The following RNGTT variants were observed in gnomAD, a reference collection of about 807,000 sequenced individuals.
The protein encoded by RNGTT is mRNA-capping enzyme.
In RNGTT, 33 loss-of-function variants were observed where a neutral mutation model predicts 79.3. The observed-to-expected ratio is 0.42, with a 90% CI of 0.32 to 0.56. The LOEUF is 0.56. Ranked by LOEUF, RNGTT falls within the 20% of genes least tolerant of loss-of-function variation. RNGTT has a pLI of 0.17. For missense variants in RNGTT, 497 were observed against 739.1 expected, an observed-to-expected ratio of 0.67 and a Z score of 3.80; for synonymous variants, 222 against 235.9, an observed-to-expected ratio of 0.94 and a Z score of 0.54.
chr6:88,863,737 C>T (rs1179104626), intron 8 of RNGTT, among the ~76,000 whole-genome samples: 1 of 152,082 alleles, frequency 6.6e-6, no homozygotes, highest in Non-Finnish European at 1.5e-5. Flanking sequence ...ATATTAAATA[C>T]CAAGTGTAAG....
chr6:88,825,956 A>G (rs1353140513), intron 11 of RNGTT, among the ~76,000 whole-genome samples: 2 of 152,238 alleles, frequency 1.3e-5, no homozygotes, highest in African/African-American at 2.4e-5. Flanking sequence ...TTTCTAATCT[A>G]TTCAAATGCC....
At chr6:88,834,292 G>C (rs1780987865) in intron 11 of RNGTT, among the ~76,000 whole-genome samples, 1 of 152,162 alleles carries the variant, frequency 6.6e-6, no homozygotes, top group Admixed American at 6.5e-5. Context: ...TTCACCGTAT[G>C]AAAGTATGAA....
chr6:88,853,807 T>C (rs186219577), intron 8 of RNGTT, 43 bp from the exon 9 acceptor site: 7 of 1,254,062 alleles, frequency 5.6e-6, no homozygotes, highest in East Asian at 4.9e-5. Context: ...CAGTATAATA[T>C]CAAGAACAGG....
chr6:88,793,238 C>T (rs1463473850), intron 12 of RNGTT, among the ~76,000 whole-genome samples: 1 of 151,816 alleles, frequency 6.6e-6, no homozygotes, highest in Non-Finnish European at 1.5e-5. Flanking sequence ...CATTAAGAAA[C>T]AAAGACTGAA....
chr6:88,824,917 A>G (rs1780609160), intron 11 of RNGTT, among the ~76,000 whole-genome samples: 1 of 151,672 alleles, frequency 6.6e-6, no homozygotes, highest in African/African-American at 2.4e-5. Flanking sequence ...TAATTTTTGT[A>G]TTTTTAGTAA....
intron 13 of RNGTT, among the ~76,000 whole-genome samples, chr6:88,739,866 C>G (rs1777425333): frequency 6.7e-6 from 1 of 149,484 alleles, no homozygotes; most frequent in African/African-American, 2.5e-5. Context: ...ATATGAAGCT[C>G]CCATGAGGAT....
At chr6:88,908,685 C>T (rs968436074) in intron 4 of RNGTT, among the ~76,000 whole-genome samples, 2 of 152,174 alleles carry the variant, frequency 1.3e-5, no homozygotes, top group African/African-American at 4.8e-5. Context: ...GGTGCAGCTG[C>T]AGCAAAACAC....
intron 13 of RNGTT, among the ~76,000 whole-genome samples, chr6:88,690,429 G>T (rs772906214): frequency 6.6e-6 from 1 of 151,772 alleles, no homozygotes; most frequent in African/African-American, 2.4e-5. Flanking sequence ...AAAATTGGTC[G>T]AGGGCAGTGG....
chr6:88,674,008 C>T (rs1424982797), intron 14 of RNGTT, among the ~76,000 whole-genome samples: 4 of 152,088 alleles, frequency 2.6e-5, no homozygotes, highest in South Asian at 2.1e-4. Flanking sequence ...AATGGGATAG[C>T]GAGGGGGGTT....
At chr6:88,681,305 C>T (rs1358474316) in intron 13 of RNGTT, among the ~76,000 whole-genome samples, 1 of 152,152 alleles carries the variant, frequency 6.6e-6, no homozygotes, top group African/African-American at 2.4e-5. Context: ...TGCCTAATAA[C>T]TACCTTTCCC....
intron 12 of RNGTT, among the ~76,000 whole-genome samples, chr6:88,793,468 T>C (rs984627271): frequency 6.6e-6 from 1 of 152,248 alleles, no homozygotes; most frequent in Non-Finnish European, 1.5e-5. Context: ...GCTGACCATG[T>C]CCACTGATGA....
intron 11 of RNGTT, among the ~76,000 whole-genome samples, chr6:88,841,406 G>T (rs1357915525): frequency 6.6e-6 from 1 of 152,162 alleles, no homozygotes; most frequent in African/African-American, 2.4e-5. Flanking sequence ...ACCAAATTAA[G>T]CAGACTAGAG....
At chr6:88,924,199 C>A (rs902105767) in intron 4 of RNGTT, among the ~76,000 whole-genome samples, 14 of 152,226 alleles carry the variant, frequency 9.2e-5, no homozygotes, top group African/African-American at 3.4e-4. Context: ...CCAGGTAATG[C>A]AGGGCAAAGT....
At chr6:88,833,632 C>T (rs1378275403) in intron 11 of RNGTT, among the ~76,000 whole-genome samples, 1 of 152,162 alleles carries the variant, frequency 6.6e-6, no homozygotes, top group Non-Finnish European at 1.5e-5. Context: ...CTATGTCAAT[C>T]CTATGGCTTT....
intron 13 of RNGTT, among the ~76,000 whole-genome samples, chr6:88,750,754 A>G (rs1199697152): frequency 6.6e-6 from 1 of 152,068 alleles, no homozygotes; most frequent in Non-Finnish European, 1.5e-5. Context: ...TCATTCCTAC[A>G]TATTTATAAA....
Position 88,846,294 on chromosome 6 carries a change from A to T in RNGTT, c.1105-1773T>A, listed in dbSNP as rs62428976. 4.0e-3 allele frequency among the ~76,000 whole-genome samples: 611 copies of T among 152,366 alleles called. 3 individuals are homozygous for T. The highest frequency in any genetic ancestry group is 5.7e-3 in the Admixed American group (87 of 15,302). On this transcript the variant is annotated intron_variant, in intron 10 of 15. Transcript: ENST00000369485. ...ATGCTGCCACTAGTTATCTTTCAAA[A>T]TAGTAAAAGTATATTCATATCATTA...
Position 88,909,984 on chromosome 6 carries a change from C to T in RNGTT, c.368-3544G>A, listed in dbSNP as rs62429030. ...AAAGAATATTTAAAAAAAAAAAACC[C>T]ATTCAATCAACAGCAAATTCAAAAA... is the stretch of plus-strand genomic sequence containing the variant. On this transcript the variant is annotated intron_variant, in intron 4 of 15. Coordinates refer to ENST00000369485, the MANE Select transcript of RNGTT (RefSeq NM_003800.5). Among the ~76,000 whole-genome samples, 4 of 151,886 alleles carry T rather than the reference C, an allele frequency of 2.6e-5. No homozygotes were observed. The East Asian group carries it at 7.7e-4, about 29-fold the overall frequency.
At chr6:88,614,437 A>G in intron 14 of RNGTT, 42 bp from the exon 15 acceptor site, 1 of 1,602,730 alleles carries the variant, frequency 6.2e-7, no homozygotes, top group Non-Finnish European at 8.5e-7. Context: ...AAATAACTTG[A>G]AAGGCTTTTT....
intron 13 of RNGTT, among the ~76,000 whole-genome samples, chr6:88,733,998 T>A (rs982509292): frequency 6.6e-6 from 1 of 152,068 alleles, no homozygotes; most frequent in Admixed American, 6.6e-5. Context: ...GAAACTCAAA[T>A]CTACATAATG....
Sources: allele counts gnomAD v4.1 joint callset (sites outside exome capture counted in the v4.1 genomes callset), GRCh38; gene constraint gnomAD v4.1.1; transcripts MANE v1.5; gene names NCBI Gene and HGNC (gene_info 2026-07-23, HGNC 2026-07-21).